RGS6: variants seen among roughly 807,000 people sequenced by gnomAD.
The protein encoded by RGS6 is regulator of G-protein signaling 6.
Under a neutral mutation model 78.5 loss-of-function variants are expected in RGS6, and 30 were observed. The ratio of observed to expected loss-of-function variants is 0.38; its 90% confidence interval spans 0.29 to 0.52. RGS6 has a LOEUF of 0.52. RGS6 is among the 20% of genes least tolerant of loss of function. The pLI, the probability that RGS6 is intolerant of heterozygous loss-of-function variation, is 0.85. For missense variants in RGS6, 495 were observed against 609.7 expected (o/e 0.81, Z 1.98); for synonymous variants, 206 against 206.0 (o/e 1.00, Z 0.00).
chr14:72,606,050 T>C, the RGS6 span, among the ~76,000 whole-genome samples: 1 of 151,856 alleles, frequency 6.6e-6, no homozygotes, highest in African/African-American at 2.4e-5. Flanking sequence ...CCTCTGGGCA[T>C]CCCCAAATCA....
At chr14:72,601,916 C>A in the RGS6 span, among the ~76,000 whole-genome samples, 2 of 152,210 alleles carry the variant, frequency 1.3e-5, no homozygotes, top group Admixed American at 1.3e-4. Context: ...TGGAAGCACC[C>A]TCCCTTCTGA....
At chr14:71,987,472 TG>T (rs2094765092) in intron 2 of RGS6, among the ~76,000 whole-genome samples, 1 of 152,234 alleles carries the variant, frequency 6.6e-6, no homozygotes. Flanking sequence ...CCTCATTTAC[TG>T]TAGTCCCATC....
chr14:72,598,480 C>G, the RGS6 span, among the ~76,000 whole-genome samples: 1 of 152,258 alleles, frequency 6.6e-6, no homozygotes, highest in Non-Finnish European at 1.5e-5. Flanking sequence ...AGCCAGGCAT[C>G]CATTTGCATA....
At chr14:72,320,043 A>G (rs1306679861) in intron 2 of RGS6, among the ~76,000 whole-genome samples, 1 of 152,218 alleles carries the variant, frequency 6.6e-6, no homozygotes, top group Non-Finnish European at 1.5e-5. Flanking sequence ...TGGTCACACC[A>G]GCAGGAATAT....
chr14:72,556,510 A>C (rs114582410), intron 17 of RGS6, among the ~76,000 whole-genome samples: 3 of 152,140 alleles, frequency 2.0e-5, no homozygotes, highest in African/African-American at 7.2e-5. Context: ...TACAGGATAG[A>C]GTAAGGTGTC....
At chr14:72,109,962 A>G (rs8003628) in intron 2 of RGS6, among the ~76,000 whole-genome samples, 13,532 of 152,198 alleles carry the variant, frequency 0.089, 729 homozygotes, top group East Asian at 0.11. Flanking sequence ...CCAATATTCA[A>G]TCTCATTACT....
intron 2 of RGS6, among the ~76,000 whole-genome samples, chr14:72,346,606 C>G (rs577412689): frequency 1.3e-5 from 2 of 152,212 alleles, no homozygotes; most frequent in Non-Finnish European, 2.9e-5. Context: ...CCCTTGCAGA[C>G]AGAGTTTTAC....
At chr14:72,174,763 C>CA (rs1463088547) in intron 2 of RGS6, among the ~76,000 whole-genome samples, 2 of 152,188 alleles carry the variant, frequency 1.3e-5, no homozygotes, top group African/African-American at 2.4e-5. Flanking sequence ...ACCCACCTAT[C>CA]AGAGCTATTC....
At chr14:72,555,713 G>A (rs911939370) in intron 17 of RGS6, among the ~76,000 whole-genome samples, 6 of 152,220 alleles carry the variant, frequency 3.9e-5, no homozygotes, top group Admixed American at 3.3e-4. Context: ...CTCAAACTCC[G>A]TTTGAGTCTG....
intron 13 of RGS6, among the ~76,000 whole-genome samples, chr14:72,502,455 G>T (rs541351567): frequency 6.6e-6 from 1 of 152,280 alleles, no homozygotes; most frequent in South Asian, 2.1e-4. Context: ...TGGATTTTAG[G>T]ATGGTTTGTT....
chr14:72,473,614 G>A (rs72726147), intron 9 of RGS6, among the ~76,000 whole-genome samples: 168 of 152,168 alleles, frequency 1.1e-3, no homozygotes, highest in South Asian at 5.4e-3. Flanking sequence ...TGTCGAATAC[G>A]GTTAATTCTT....
At chr14:72,585,686 G>A in the RGS6 span, among the ~76,000 whole-genome samples, 476 of 152,334 alleles carry the variant, frequency 3.1e-3, 4 homozygotes, top group Admixed American at 0.024. Flanking sequence ...CCAGGAGCTA[G>A]AGGAATAAGT....
At chr14:71,974,411 C>T (rs188832204) in intron 2 of RGS6, among the ~76,000 whole-genome samples, 15 of 152,258 alleles carry the variant, frequency 9.9e-5, no homozygotes, top group Admixed American at 9.8e-4. Context: ...TAGATATAGA[C>T]ATACACCCAC....
intron 2 of RGS6, among the ~76,000 whole-genome samples, chr14:72,109,461 G>T (rs942510778): frequency 1.3e-5 from 2 of 152,140 alleles, no homozygotes; most frequent in Non-Finnish European, 2.9e-5. Flanking sequence ...TGAAATTTTA[G>T]AGTCTATAAC....
In RGS6 at chr14:72,349,633, AC is replaced by A. The variant is rs377325507; in HGVS notation, c.85-2458del. Among the ~76,000 whole-genome samples the A allele has an allele frequency of 2.1e-3, 323 of 152,238 alleles. 3 individuals carry two copies. The highest frequency in any genetic ancestry group is 7.2e-3 in the African/African-American group (300 of 41,524). On this transcript the variant is annotated intron_variant, in intron 2 of 17. Coordinates refer to ENST00000553525, the MANE Select transcript of RGS6 (RefSeq NM_001204424.2). The stretch of plus-strand genomic sequence containing the variant: ...GGATTGTTTTTTTGATCTAGCTGTA[AC>A]CCCTGATGAGTGATGTACCTCTTAG...
intron 1 of RGS6, among the ~76,000 whole-genome samples, chr14:71,962,828 A>G (rs1253861978): frequency 2.0e-5 from 3 of 152,208 alleles, no homozygotes; most frequent in Non-Finnish European, 2.9e-5. Flanking sequence ...TTTTCCACCC[A>G]AATTTGTTTT....
At chr14:72,052,974 T>C (rs1467743222) in intron 2 of RGS6, among the ~76,000 whole-genome samples, 1 of 46,706 alleles carries the variant, frequency 2.1e-5, no homozygotes, top group Non-Finnish European at 3.5e-5. Context: ...TCTTTCTTTC[T>C]TTCTTTCTTT....
intron 2 of RGS6, among the ~76,000 whole-genome samples, chr14:72,103,047 G>A (rs2095559246): frequency 1.3e-5 from 2 of 152,278 alleles, no homozygotes; most frequent in South Asian, 4.1e-4. Context: ...AAATACCTTA[G>A]GAGGAATTTG....
intron 2 of RGS6, among the ~76,000 whole-genome samples, chr14:72,237,303 C>G (rs1279792522): frequency 1.3e-5 from 2 of 152,124 alleles, no homozygotes; most frequent in East Asian, 3.9e-4. Context: ...AAGAAAATTG[C>G]TGTGCATGTT....
Sources: gnomAD v4.1 joint callset for allele counts (sites outside exome capture counted in the v4.1 genomes callset) on GRCh38, gnomAD v4.1.1 for gene constraint, MANE v1.5 for transcripts, NCBI Gene and HGNC (gene_info 2026-07-23, HGNC 2026-07-21) for gene names.